Variants in CAMTA1 observed in about 807,000 individuals in gnomAD.
CAMTA1 encodes calmodulin binding transcription activator 1.
A neutral mutation model predicts 170.9 loss-of-function variants in CAMTA1; 27 were observed. That is an observed-to-expected ratio of 0.16 (90% CI 0.12 to 0.22). The LOEUF is 0.22. Ranked by LOEUF, CAMTA1 falls within the 10% of genes least tolerant of loss-of-function variation. The pLI is 1.00. For synonymous variants in CAMTA1, 833 were observed against 891.5 expected, an observed-to-expected ratio of 0.93 and a Z score of 1.17; for missense variants, 1,619 against 2,217.2, an observed-to-expected ratio of 0.73 and a Z score of 5.42.
At chr1:7,577,954 C>T (rs1374424754) in intron 6 of CAMTA1, among the ~76,000 whole-genome samples, 1 of 152,166 alleles carries the variant, frequency 6.6e-6, no homozygotes, top group Non-Finnish European at 1.5e-5. Context: ...TTATTTGCTG[C>T]CCCACAAAAA....
chr1:7,003,475 T>A (rs1422387115), intron 3 of CAMTA1, among the ~76,000 whole-genome samples: 1 of 152,108 alleles, frequency 6.6e-6, no homozygotes, highest in Non-Finnish European at 1.5e-5. Flanking sequence ...GATGGCTATG[T>A]TAGTAGATGG....
At chr1:6,936,578 G>C (rs1314125122) in intron 3 of CAMTA1, among the ~76,000 whole-genome samples, 3 of 152,190 alleles carry the variant, frequency 2.0e-5, no homozygotes, top group African/African-American at 7.2e-5. Context: ...TGTATCTGCT[G>C]AGCCTGCAGG....
chr1:7,721,961 G>A (rs2096652449), intron 11 of CAMTA1, among the ~76,000 whole-genome samples: 1 of 152,150 alleles, frequency 6.6e-6, no homozygotes, highest in Non-Finnish European at 1.5e-5. Context: ...TAAAATATCA[G>A]GAACCATCTC....
chr1:7,271,619 A>G (rs1669827180), intron 5 of CAMTA1, among the ~76,000 whole-genome samples: 2 of 125,558 alleles, frequency 1.6e-5, no homozygotes, highest in Admixed American at 1.7e-4. Context: ...TAGATACAAT[A>G]CCCCCAAAAC....
chr1:7,739,149 A>G (rs944955081), intron 16 of CAMTA1, among the ~76,000 whole-genome samples: 1 of 152,200 alleles, frequency 6.6e-6, no homozygotes, highest in Non-Finnish European at 1.5e-5. Context: ...AGGGCAGCCT[A>G]AAAACATGTT....
chr1:7,228,608 C>T (rs1662130996), intron 4 of CAMTA1, among the ~76,000 whole-genome samples: 1 of 152,194 alleles, frequency 6.6e-6, no homozygotes, highest in African/African-American at 2.4e-5. Context: ...GTTTTCAGCC[C>T]TCTGGGGACA....
At position 7,447,481 on chromosome 1, in the gene CAMTA1, G is replaced by A. The variant is rs186446623; in HGVS notation, c.439-20349G>A. 3.3e-5 allele frequency among the ~76,000 whole-genome samples: 5 copies of A among 152,152 alleles called. No individual in the cohort carries two copies. The South Asian group carries it at 6.2e-4, about 19-fold the overall frequency. ...TGAGTGCTGGATTTCAGCAGCCACG[G>A]TGCCAGCTTTCAGTTCCCACATGGG... On this transcript the variant is annotated intron_variant, in intron 5 of 22. Transcript: ENST00000303635.
intron 4 of CAMTA1, among the ~76,000 whole-genome samples, chr1:7,199,238 A>G (rs2148997048): frequency 6.6e-6 from 1 of 152,310 alleles, no homozygotes; most frequent in East Asian, 1.9e-4. Context: ...CCCGCTGGGC[A>G]TCCTGCCTGG....
chr1:6,899,572 A>G (rs1467874673), intron 3 of CAMTA1, among the ~76,000 whole-genome samples: 2 of 152,188 alleles, frequency 1.3e-5, no homozygotes, highest in Non-Finnish European at 2.9e-5. Context: ...ACACACACAC[A>G]CACACACACA....
At chr1:7,056,786 A>AC in intron 3 of CAMTA1, among the ~76,000 whole-genome samples, 1 of 152,216 alleles carries the variant, frequency 6.6e-6, no homozygotes, top group Non-Finnish European at 1.5e-5. Flanking sequence ...GAAAGTACCG[A>AC]AGCTTGTGAT....
chr1:7,549,169 A>G (rs148649433), intron 6 of CAMTA1, among the ~76,000 whole-genome samples: 3,943 of 136,812 alleles, frequency 0.029, 96 homozygotes, highest in Admixed American at 0.07. Context: ...GTGCTGGTGG[A>G]GGGCACCCCT....
chr1:7,304,076 AAGAGT>A (rs1675210906), intron 5 of CAMTA1, among the ~76,000 whole-genome samples: 1 of 77,018 alleles, frequency 1.3e-5, no homozygotes, highest in Non-Finnish European at 4.1e-5. Context: ...GAGGGAGATG[AAGAGT>A]TATTGCTTAA....
intron 5 of CAMTA1, among the ~76,000 whole-genome samples, chr1:7,279,092 G>C (rs1671140902): frequency 6.6e-6 from 1 of 152,172 alleles, no homozygotes; most frequent in Admixed American, 6.5e-5. Flanking sequence ...GGGCAGTTCA[G>C]GTACTTAGAG....
At chr1:7,705,290 T>C (rs1389410338) in intron 11 of CAMTA1, among the ~76,000 whole-genome samples, 1 of 147,544 alleles carries the variant, frequency 6.8e-6, no homozygotes, top group Non-Finnish European at 1.5e-5. Context: ...CGCGTGTCCA[T>C]GCCGCGAGGG....
chr1:7,368,588 T>C (rs1274668496), intron 5 of CAMTA1, among the ~76,000 whole-genome samples: 4 of 152,160 alleles, frequency 2.6e-5, no homozygotes, highest in Admixed American at 1.3e-4. Flanking sequence ...GCACAGGAGT[T>C]CCCGCTGTGT....
chr1:7,751,719 G>A (rs201623913), intron 20 of CAMTA1, among the ~76,000 whole-genome samples: 62 of 144,910 alleles, frequency 4.3e-4, no homozygotes, highest in African/African-American at 6.1e-4. Context: ...TCCTGTTTAG[G>A]AAAAAAAAAA....
At chr1:7,758,760 C>T (rs1255520672) in intron 22 of CAMTA1, among the ~76,000 whole-genome samples, 3 of 151,832 alleles carry the variant, frequency 2.0e-5, no homozygotes, top group Non-Finnish European at 4.4e-5. Context: ...ATGGTGAAAC[C>T]CCGTCTCTAC....
intron 6 of CAMTA1, among the ~76,000 whole-genome samples, chr1:7,549,659 A>T (rs2150170339): frequency 6.6e-6 from 1 of 152,314 alleles, no homozygotes; most frequent in South Asian, 2.1e-4. Context: ...CAATGTCCTC[A>T]AGTGATATGT....
At chr1:7,034,000 A>G (rs930862731) in intron 3 of CAMTA1, among the ~76,000 whole-genome samples, 1 of 152,184 alleles carries the variant, frequency 6.6e-6, no homozygotes, top group Non-Finnish European at 1.5e-5. Context: ...GTGGGTACAG[A>G]ACATCATTGA....
Sources: gnomAD v4.1 joint callset for allele counts (sites outside exome capture counted in the v4.1 genomes callset) on GRCh38, gnomAD v4.1.1 for gene constraint, MANE v1.5 for transcripts, NCBI Gene and HGNC (gene_info 2026-07-23, HGNC 2026-07-21) for gene names.